Variants in PLGRKT observed in about 807,000 individuals in gnomAD.
PLGRKT encodes plasminogen receptor with a C-terminal lysine.
PLGRKT carries 22 observed loss-of-function variants against 18.5 expected under a neutral mutation model. That is an observed-to-expected ratio of 1.19 (90% CI 0.85 to 1.70). The LOEUF is 1.70. Ranked by LOEUF, PLGRKT falls within the 40% of genes most tolerant of loss-of-function variation. PLGRKT has a pLI of 0.00. For synonymous variants in PLGRKT, 72 were observed against 52.8 expected, an observed-to-expected ratio of 1.36 and a Z score of -1.58; for missense variants, 235 against 174.4, an observed-to-expected ratio of 1.35 and a Z score of -1.96.
intron 2 of PLGRKT, among the ~76,000 whole-genome samples, chr9:5,434,611 T>A (rs941389872): frequency 7.4e-6 from 1 of 135,518 alleles, no homozygotes; most frequent in African/African-American, 2.9e-5. Context: ...CTCTGGGAGG[T>A]GGGGAGCGCC....
chr9:5,360,999 G>A, intron 5 of PLGRKT, 79 bp downstream of exon 5: 1 of 778,874 alleles, frequency 1.3e-6, no homozygotes, highest in Non-Finnish European at 2.2e-6. Flanking sequence ...ATCTTTATAA[G>A]TCAAAGGTTC....
At chr9:5,360,947 A>G in intron 5 of PLGRKT, 131 bp downstream of exon 5, 2 of 591,916 alleles carry the variant, frequency 3.4e-6, no homozygotes, top group Non-Finnish European at 6.0e-6. Context: ...AAGGGAGCAG[A>G]AATGTTGCTC....
chr9:5,401,430 A>G (rs1818152320), intron 3 of PLGRKT, among the ~76,000 whole-genome samples: 1 of 151,956 alleles, frequency 6.6e-6, no homozygotes, highest in Non-Finnish European at 1.5e-5. Context: ...CAAACAAGAA[A>G]GTTAATAAAG....
intron 3 of PLGRKT, among the ~76,000 whole-genome samples, chr9:5,399,163 C>A (rs1162778013): frequency 3.3e-5 from 5 of 151,826 alleles, no homozygotes; most frequent in Non-Finnish European, 7.3e-5. Flanking sequence ...CTGTCTCAAT[C>A]ATCTGGCTGC....
At chr9:5,389,164 GGGAT>G (rs1205579872) in intron 3 of PLGRKT, among the ~76,000 whole-genome samples, 2 of 151,848 alleles carry the variant, frequency 1.3e-5, no homozygotes, top group African/African-American at 2.4e-5. Context: ...GTTATATGAT[GGGAT>G]ATCTTAAGAT....
chr9:5,421,831 T>C (rs947586341), intron 3 of PLGRKT, among the ~76,000 whole-genome samples: 1 of 152,218 alleles, frequency 6.6e-6, no homozygotes, highest in African/African-American at 2.4e-5. Context: ...CTAAGGGACA[T>C]AGGAATCAAC....
At chr9:5,377,321 G>A (rs754395314) in intron 3 of PLGRKT, among the ~76,000 whole-genome samples, 4 of 151,172 alleles carry the variant, frequency 2.6e-5, no homozygotes, top group Non-Finnish European at 5.9e-5. Context: ...ATAGTACTAT[G>A]GTAATCTTTT....
intron 3 of PLGRKT, among the ~76,000 whole-genome samples, chr9:5,424,545 A>AAT (rs58258461): frequency 0.32 from 40,746 of 128,220 alleles, 7,214 homozygotes; most frequent in African/African-American, 0.47. Flanking sequence ...CATATATGTT[A>AAT]ATATGTTTAT....
At chr9:5,377,446 A>G (rs1349992859) in intron 3 of PLGRKT, among the ~76,000 whole-genome samples, 1 of 152,196 alleles carries the variant, frequency 6.6e-6, no homozygotes. Context: ...GTGACATAAG[A>G]GACTATTCAT....
At chr9:5,384,530 T>C (rs1817805845) in intron 3 of PLGRKT, among the ~76,000 whole-genome samples, 1 of 152,096 alleles carries the variant, frequency 6.6e-6, no homozygotes, top group South Asian at 2.1e-4. Flanking sequence ...GAAGGTAAAG[T>C]CAAAATTTCA....
At chr9:5,370,528 G>T (rs1294396800) in intron 3 of PLGRKT, among the ~76,000 whole-genome samples, 1 of 152,130 alleles carries the variant, frequency 6.6e-6, no homozygotes, top group Non-Finnish European at 1.5e-5. Flanking sequence ...CTATGTTTTA[G>T]TTTCCAATGA....
In PLGRKT at chr9:5,390,392, A is replaced by G. The variant is rs939255763; in HGVS notation, c.82-28504T>C. Among the ~76,000 whole-genome samples the G allele has an allele frequency of 2.1e-4, 32 of 151,940 alleles. 2 individuals carry two copies. In the South Asian group the frequency reaches 5.6e-3, roughly 27 times the overall value. Reference sequence around the variant, plus strand: ...CCAGTTTCAAAATTTGAAAGATCACAGGAGAGGCCAAACAGAGTGGTCTCA... The same window carrying G: ...CCAGTTTCAAAATTTGAAAGATCACGGGAGAGGCCAAACAGAGTGGTCTCA... On this transcript the variant is annotated intron_variant, in intron 3 of 5. Coordinates refer to ENST00000223864, the MANE Select transcript of PLGRKT (RefSeq NM_018465.4).
At chr9:5,360,040 T>G (rs1279621406) in intron 5 of PLGRKT, among the ~76,000 whole-genome samples, 1 of 152,096 alleles carries the variant, frequency 6.6e-6, no homozygotes, top group Non-Finnish European at 1.5e-5. Context: ...GATGAGAGAG[T>G]ATAATGGATG....
rs954162156 is a variant in PLGRKT, at chr9:5,398,144, T to C, written c.81+33753A>G. ...ATCCCTTCCAAGTGGGAGCTTCTCT[T>C]TGTGACTCTGGGAAAGCTGATAGGG... is the stretch of plus-strand genomic sequence containing the variant. On this transcript the variant is annotated intron_variant, in intron 3 of 5. Coordinates refer to ENST00000223864, the MANE Select transcript of PLGRKT (RefSeq NM_018465.4). Among the ~76,000 whole-genome samples the C allele has an allele frequency of 2.4e-4, 36 of 151,822 alleles. 1 individual carries two copies. The highest frequency in any genetic ancestry group is 3.4e-3 in the Middle Eastern group (1 of 294).
intron 3 of PLGRKT, among the ~76,000 whole-genome samples, chr9:5,365,417 A>C (rs1022114694): frequency 6.6e-6 from 1 of 152,206 alleles, no homozygotes; most frequent in African/African-American, 2.4e-5. Context: ...GAAGAGACAA[A>C]TATCCTGTAC....
At chr9:5,378,237 T>C (rs867963742) in intron 3 of PLGRKT, among the ~76,000 whole-genome samples, 1 of 152,034 alleles carries the variant, frequency 6.6e-6, no homozygotes, top group African/African-American at 2.4e-5. Context: ...GAACGGGAGA[T>C]AATAAAGGTA....
Position 5,398,998 on chromosome 9 carries a change from T to A in PLGRKT, c.81+32899A>T, listed in dbSNP as rs543047407. 1.7e-4 allele frequency among the ~76,000 whole-genome samples: 26 copies of A among 151,694 alleles called. 1 individual carries two copies. Among genetic ancestry groups the A allele is most frequent in the African/African-American group, 5.6e-4 (23 of 41,102 alleles). ...TGCCAGAAAGAGAGTTACTCATAGA[T>A]AACTTTTTCTCACTGGAGAGACTTT... is the stretch of plus-strand genomic sequence containing the variant. On this transcript the variant is annotated intron_variant, in intron 3 of 5. Coordinates refer to ENST00000223864, the MANE Select transcript of PLGRKT (RefSeq NM_018465.4).
At chr9:5,402,025 G>C (rs1483312324) in intron 3 of PLGRKT, among the ~76,000 whole-genome samples, 1 of 151,746 alleles carries the variant, frequency 6.6e-6, no homozygotes, top group African/African-American at 2.4e-5. Flanking sequence ...ATTATCGCAG[G>C]TATGTAAAGC....
intron 3 of PLGRKT, among the ~76,000 whole-genome samples, chr9:5,370,513 T>G (rs1024797063): frequency 2.0e-5 from 3 of 152,246 alleles, no homozygotes; most frequent in African/African-American, 7.2e-5. Context: ...CAAATCAGTT[T>G]ACTACTATGT....
Sources: allele counts gnomAD v4.1 joint callset (sites outside exome capture counted in the v4.1 genomes callset), GRCh38; gene constraint gnomAD v4.1.1; transcripts MANE v1.5; gene names NCBI Gene and HGNC (gene_info 2026-07-23, HGNC 2026-07-21).